Variants in RUFY4 observed in about 807,000 individuals in gnomAD.
RUFY4 encodes the protein RUN and FYVE domain-containing protein 4.
RUFY4 carries 73 observed loss-of-function variants against 69.0 expected under a neutral mutation model. That is an observed-to-expected ratio of 1.06 (90% CI 0.88 to 1.29). The LOEUF (loss-of-function observed/expected upper bound fraction) is 1.29. Among genes scored for constraint, RUFY4 ranks in the 50% most tolerant of loss-of-function variants. RUFY4 has a pLI of 0.00. For synonymous variants in RUFY4, 287 were observed against 271.8 expected, an observed-to-expected ratio of 1.06 and a Z score of -0.55; for missense variants, 770 against 705.6, an observed-to-expected ratio of 1.09 and a Z score of -1.03.
rs921558569 is a variant in RUFY4, at chr2:218,074,043, G to A, written c.600+158G>A. On this transcript the variant is annotated intron_variant, in intron 6 of 10. Coordinates refer to ENST00000344321, the Ensembl canonical transcript of RUFY4. Reference sequence around the variant, plus strand: ...GCCAGTGTGTGGAGCAGGGGACTGGGGAGCTGCAGAGGAGGAGAGGGCTCC... The same window carrying A: ...GCCAGTGTGTGGAGCAGGGGACTGGAGAGCTGCAGAGGAGGAGAGGGCTCC... The A allele has an allele frequency of 1.5e-5, 11 of 745,924 alleles. No homozygotes were observed. The African/African-American group carries it at 1.6e-4, about 11-fold the overall frequency. The allele number at this position is 745,924 out of a possible 1,614,324, so 46.2% of individuals were successfully genotyped here. A position where few individuals can be genotyped will look rare whatever the true frequency, so the allele number is the denominator to read the frequency against.
intron 8 of RUFY4, among the ~76,000 whole-genome samples, chr2:218,081,749 C>T (rs1200291726): frequency 6.6e-6 from 1 of 152,186 alleles, no homozygotes; most frequent in Admixed American, 6.5e-5. Context: ...AAAACATGGC[C>T]CTGCTTCGTG....
intron 9 of RUFY4, among the ~76,000 whole-genome samples, chr2:218,084,053 A>G (rs1426321713): frequency 6.6e-6 from 1 of 152,202 alleles, no homozygotes; most frequent in Non-Finnish European, 1.5e-5. Context: ...CACCAGGGTC[A>G]GCTCCAAACC....
chr2:218,040,083 A>T (rs937883515), intron 2 of RUFY4, among the ~76,000 whole-genome samples: 1 of 152,216 alleles, frequency 6.6e-6, no homozygotes, highest in African/African-American at 2.4e-5. Flanking sequence ...CAGGTGATCT[A>T]CCAGGGAATT....
At chr2:218,075,856 C>T in intron 7 of RUFY4, 116 bp downstream of exon 9, 9 of 1,059,888 alleles carry the variant, frequency 8.5e-6, no homozygotes, top group Non-Finnish European at 1.1e-5. Context: ...TTTTTATTGG[C>T]CCACTCAGGA....
At position 218,083,123 on chromosome 2, in the gene RUFY4, A is replaced by T; in HGVS notation, c.1369A>T (p.Arg457Ter). ...TTCTGTACCCAGGTGTCAGGAAGAG[A>T]GAGCCGAGCTGCAGGCACAGCTGGA... Residue 457 changes from arginine to a stop codon, truncating the protein, a stop_gained, in exon 9 of 11, where the codon AGA becomes TGA. Transcript: ENST00000344321. LOFTEE classifies it high-confidence loss of function. The T allele has an allele frequency of 1.2e-6, 2 of 1,613,182 alleles. No individual in the cohort carries two copies. The highest frequency in any genetic ancestry group is 1.7e-6 in the Non-Finnish European group (2 of 1,179,772).
Position 218,072,503 on chromosome 2 carries a change from T to A in RUFY4, c.279+4T>A. The A allele has an allele frequency of 1.3e-6, 2 of 1,536,626 alleles. No individual in the cohort carries two copies. The highest frequency in any genetic ancestry group is 1.7e-6 in the Non-Finnish European group (2 of 1,146,876). ...CTTTGTCCGTTCCCAGGACAAGGTA[T>A]CCAGGGCCAGGCAGCAAGAAGGCTG... On this transcript the variant is annotated splice_donor_region_variant and intron_variant, in intron 3 of 10. Coordinates refer to ENST00000344321, the Ensembl canonical transcript of RUFY4.
intron 2 of RUFY4, among the ~76,000 whole-genome samples, chr2:218,038,895 G>A (rs1379823882): frequency 6.6e-6 from 1 of 152,098 alleles, no homozygotes; most frequent in Admixed American, 6.5e-5. Flanking sequence ...TAGGAAAAGC[G>A]AGGGCTTTCC....
rs879671923 is a variant in RUFY4 at position 218,052,732 on chromosome 2, CT to C, written c.-1157-5850del. Among the ~76,000 whole-genome samples the C allele has an allele frequency of 2.4e-3, 328 of 134,662 alleles. 2 individuals are homozygous for C. The highest frequency in any genetic ancestry group is 8.6e-3 in the East Asian group (42 of 4,902). 88.3% of individuals were successfully genotyped at this position (134,662 alleles called of 152,430 possible). A position where few individuals can be genotyped will look rare whatever the true frequency, so the allele number is the denominator to read the frequency against. On this transcript the variant is annotated intron_variant and NMD_transcript_variant, in intron 2 of 13. Coordinates refer to the RUFY4 transcript ENST00000457754. ...GCATCATAGCAAGACCTCTATCTCA[CT>C]TTTTTTTTTTTTAAAAAAAAAAGAT...
At chr2:218,042,732 C>T (rs1312676060) in intron 2 of RUFY4, among the ~76,000 whole-genome samples, 1 of 151,698 alleles carries the variant, frequency 6.6e-6, no homozygotes, top group Non-Finnish European at 1.5e-5. Context: ...TTGAAGGGCT[C>T]GGGAAAGGGG....
chr2:218,044,230 T>C (rs556925790), intron 2 of RUFY4, among the ~76,000 whole-genome samples: 13 of 152,290 alleles, frequency 8.5e-5, no homozygotes, highest in Admixed American at 7.8e-4. Context: ...AGGCTGCACC[T>C]CCTCACTGCA....
intron 8 of RUFY4, among the ~76,000 whole-genome samples, chr2:218,078,478 G>A (rs577335378): frequency 1.3e-5 from 2 of 152,162 alleles, no homozygotes; most frequent in Non-Finnish European, 2.9e-5. Context: ...GGGAGGGAGA[G>A]GATGTGGGAA....
chr2:218,061,208 C>A, intron 3 of RUFY4: 1 of 387,564 alleles, frequency 2.6e-6, no homozygotes, highest in South Asian at 2.0e-5. Context: ...AGATGACCAG[C>A]ATCGGCAGGG....
intron 2 of RUFY4, among the ~76,000 whole-genome samples, chr2:218,071,805 G>C (rs1251471738): frequency 6.6e-6 from 1 of 152,198 alleles, no homozygotes; most frequent in Non-Finnish European, 1.5e-5. Flanking sequence ...GAGGAGAAGA[G>C]GATGAGATCC....
chr2:218,056,400 G>T (rs1689066531), intron 2 of RUFY4, among the ~76,000 whole-genome samples: 1 of 152,074 alleles, frequency 6.6e-6, no homozygotes, highest in African/African-American at 2.4e-5. Flanking sequence ...AGGCAACTCT[G>T]CCCTGAGAGA....
chr2:218,041,694 G>A, intron 2 of RUFY4, among the ~76,000 whole-genome samples: 1 of 152,168 alleles, frequency 6.6e-6, no homozygotes, highest in East Asian at 1.9e-4. Context: ...CTGAATGATT[G>A]AGGTAAGTTT....
At chr2:218,075,825 C>T (rs746843425) in intron 7 of RUFY4, 85 bp downstream of exon 9, 145 of 1,279,994 alleles carry the variant, frequency 1.1e-4, no homozygotes, top group Non-Finnish European at 1.5e-4. Flanking sequence ...TAGCCTGGGA[C>T]CATTCCCTCC....
chr2:218,060,426 G>A (rs6758271), intron 3 of RUFY4: 709,919 of 1,524,174 alleles, frequency 0.47, 176,341 homozygotes, highest in African/African-American at 0.79. Flanking sequence ...TGATCAAGCC[G>A]TGTATGGCTA....
At chr2:218,057,040 C>T (rs1180816287) in intron 2 of RUFY4, among the ~76,000 whole-genome samples, 1 of 150,882 alleles carries the variant, frequency 6.6e-6, no homozygotes, top group Non-Finnish European at 1.5e-5. Flanking sequence ...GATTGTGCCA[C>T]TGCACTCCAG....
At chr2:218,078,929 G>A (rs1037614299) in intron 8 of RUFY4, among the ~76,000 whole-genome samples, 3 of 152,100 alleles carry the variant, frequency 2.0e-5, no homozygotes, top group East Asian at 1.9e-4. Context: ...GTGCAGTGGC[G>A]ACATCTCGGC....
Sources: gnomAD v4.1 joint callset for allele counts (sites outside exome capture counted in the v4.1 genomes callset) on GRCh38, gnomAD v4.1.1 for gene constraint, MANE v1.5 for transcripts, NCBI Gene and HGNC (gene_info 2026-07-23, HGNC 2026-07-21) for gene names.